Variants in PPARGC1B observed in about 807,000 individuals in gnomAD.
PPARGC1B encodes PPARG coactivator 1 beta.
A neutral mutation model predicts 101.6 loss-of-function variants in PPARGC1B; 34 were observed. The observed-to-expected ratio is 0.33, with a 90% CI of 0.25 to 0.45. The LOEUF (loss-of-function observed/expected upper bound fraction) is 0.45. Among genes scored for constraint, PPARGC1B ranks in the 20% least tolerant of loss-of-function variants. PPARGC1B has a pLI of 1.00. For synonymous variants in PPARGC1B, 548 were observed against 539.3 expected, an observed-to-expected ratio of 1.02 and a Z score of -0.22; for missense variants, 1,234 against 1,317.6, an observed-to-expected ratio of 0.94 and a Z score of 0.98.
At chr5:149,747,177 A>G (rs1194637395) in intron 1 of PPARGC1B, among the ~76,000 whole-genome samples, 2 of 152,212 alleles carry the variant, frequency 1.3e-5, no homozygotes, top group Non-Finnish European at 2.9e-5. Flanking sequence ...TTCAAACCCA[A>G]TGTCAGGAAG....
intron 1 of PPARGC1B, among the ~76,000 whole-genome samples, chr5:149,796,856 T>A (rs1404114033): frequency 6.6e-6 from 1 of 152,154 alleles, no homozygotes; most frequent in Admixed American, 6.5e-5. Context: ...AAGGAGGAGA[T>A]GCTGATAAAC....
rs1425479452 is a variant in PPARGC1B at position 149,748,104 on chromosome 5, C to T, written c.78+17684C>T. The stretch of plus-strand genomic sequence containing the variant: ...TGAAACAACCAGAGGAGGGGCAGTA[C>T]CAGCCGGTTCCAGGTGATGAGCACA... On this transcript the variant is annotated intron_variant, in intron 1 of 11. Coordinates refer to ENST00000309241, the MANE Select transcript of PPARGC1B (RefSeq NM_133263.4). Among the ~76,000 whole-genome samples, 3 of 152,052 alleles carry T rather than the reference C, an allele frequency of 2.0e-5. No individual in the cohort carries two copies. In the East Asian group the frequency reaches 5.8e-4, roughly 29 times the overall value.
chr5:149,736,795 T>C (rs1237988793), intron 1 of PPARGC1B, among the ~76,000 whole-genome samples: 1 of 152,166 alleles, frequency 6.6e-6, no homozygotes, highest in Non-Finnish European at 1.5e-5. Flanking sequence ...AATTTCAGGT[T>C]CACAGCAAAA....
intron 1 of PPARGC1B, among the ~76,000 whole-genome samples, chr5:149,768,522 C>A (rs192173117): frequency 3.4e-5 from 5 of 148,038 alleles, no homozygotes; most frequent in Admixed American, 6.8e-5. Context: ...CGGCTCACTG[C>A]AACCTCCGCC....
chr5:149,821,889 C>A (rs1485709724), intron 2 of PPARGC1B, among the ~76,000 whole-genome samples: 2 of 152,126 alleles, frequency 1.3e-5, no homozygotes, highest in African/African-American at 2.4e-5. Context: ...TCCTAATAAT[C>A]GATTTTACAG....
chr5:149,737,429 C>T (rs969913478), intron 1 of PPARGC1B, among the ~76,000 whole-genome samples: 1 of 152,142 alleles, frequency 6.6e-6, no homozygotes, highest in Non-Finnish European at 1.5e-5. Flanking sequence ...TCAGGCTGCC[C>T]TTTTCTGTGT....
At chr5:149,838,597 T>G (rs1561627674) in intron 8 of PPARGC1B, among the ~76,000 whole-genome samples, 1 of 152,208 alleles carries the variant, frequency 6.6e-6, no homozygotes, top group Non-Finnish European at 1.5e-5. Context: ...GCTTCCCTGG[T>G]CTCCTTTCTC....
chr5:149,731,281 A>G (rs986889203), intron 1 of PPARGC1B, among the ~76,000 whole-genome samples: 1 of 151,710 alleles, frequency 6.6e-6, no homozygotes, highest in African/African-American at 2.4e-5. Flanking sequence ...AGACTGGGAG[A>G]GGGGTGCTGC....
intron 1 of PPARGC1B, among the ~76,000 whole-genome samples, chr5:149,789,463 A>G (rs1296463291): frequency 1.3e-5 from 2 of 152,218 alleles, no homozygotes; most frequent in Non-Finnish European, 2.9e-5. Flanking sequence ...CAGAGTTCCT[A>G]GGAGGATCAG....
At chr5:149,749,865 A>G (rs1049665877) in intron 1 of PPARGC1B, among the ~76,000 whole-genome samples, 2 of 152,152 alleles carry the variant, frequency 1.3e-5, no homozygotes, top group Non-Finnish European at 2.9e-5. Context: ...ATTGTGAATC[A>G]TGGGGGCTGT....
intron 1 of PPARGC1B, among the ~76,000 whole-genome samples, chr5:149,815,155 G>C (rs1561576388): frequency 6.6e-6 from 1 of 152,156 alleles, no homozygotes; most frequent in Non-Finnish European, 1.5e-5. Flanking sequence ...CACCCTTTTG[G>C]GACCCTGGGT....
At chr5:149,814,187 A>G (rs1313677864) in intron 1 of PPARGC1B, among the ~76,000 whole-genome samples, 1 of 152,202 alleles carries the variant, frequency 6.6e-6, no homozygotes. Context: ...GTGGCAAGAA[A>G]CAATGTCCTG....
chr5:149,854,200 C>T lies in PPARGC1B; in HGVS notation c.*6642C>T, dbSNP rs2113472106. ...CCCTGACTCTGCGACAGGGTCAAAC[C>T]AAGGAATGGCTAAACCTGTGAGGTT... On this transcript the variant is annotated 3_prime_UTR_variant, in exon 12 of 12. Transcript: ENST00000309241. 1 of 152,284 alleles carries T rather than the reference C, an allele frequency of 6.6e-6. No homozygotes were observed. The highest frequency in any genetic ancestry group is 1.5e-5 in the Non-Finnish European group (1 of 68,032). 9.4% of individuals were successfully genotyped at this position (152,284 alleles called of 1,614,324 possible). A position where few individuals can be genotyped will look rare whatever the true frequency, so the allele number is the denominator to read the frequency against.
intron 1 of PPARGC1B, among the ~76,000 whole-genome samples, chr5:149,760,566 CA>C (rs1409484500): frequency 6.6e-5 from 10 of 152,168 alleles, no homozygotes; most frequent in Admixed American, 4.6e-4. Flanking sequence ...TTATTGTCAT[CA>C]GGGGGTGGCA....
chr5:149,765,500 C>T (rs977044442), intron 1 of PPARGC1B, among the ~76,000 whole-genome samples: 1 of 152,122 alleles, frequency 6.6e-6, no homozygotes, highest in East Asian at 1.9e-4. Context: ...TCTGTGAGGT[C>T]GATGGCTGTA....
chr5:149,802,955 C>G (rs929196135), intron 1 of PPARGC1B, among the ~76,000 whole-genome samples: 3 of 152,156 alleles, frequency 2.0e-5, no homozygotes, highest in African/African-American at 7.2e-5. Context: ...CCACTTGCCA[C>G]TTAAGGGATT....
chr5:149,857,253 A>G (rs1476005311), downstream of PPARGC1B, among the ~76,000 whole-genome samples: 36 of 152,230 alleles, frequency 2.4e-4, no homozygotes, highest in Non-Finnish European at 4.4e-5. Context: ...GGACATGGTA[A>G]GTACTTAATC....
intron 1 of PPARGC1B, among the ~76,000 whole-genome samples, chr5:149,778,797 A>T (rs542763607): frequency 6.6e-6 from 1 of 152,236 alleles, no homozygotes; most frequent in East Asian, 1.9e-4. Flanking sequence ...CCTGGCACTC[A>T]TGGCCTCAGT....
At chr5:149,768,581 C>CTAT (rs1756005039) in intron 1 of PPARGC1B, among the ~76,000 whole-genome samples, 2 of 148,514 alleles carry the variant, frequency 1.3e-5, no homozygotes, top group Admixed American at 6.6e-5. Context: ...GTAGCTGAGA[C>CTAT]TATAAGTGCC....
Sources: allele counts gnomAD v4.1 joint callset (sites outside exome capture counted in the v4.1 genomes callset), GRCh38; gene constraint gnomAD v4.1.1; transcripts MANE v1.5; gene names NCBI Gene and HGNC (gene_info 2026-07-23, HGNC 2026-07-21).